Variants in EBF1 observed in about 807,000 individuals in gnomAD.
The protein encoded by EBF1 is EBF transcription factor 1, also known as transcription factor COE1.
EBF1 carries 10 observed loss-of-function variants against 68.4 expected under a neutral mutation model. That is an observed-to-expected ratio of 0.15 (90% CI 0.09 to 0.25). The LOEUF (loss-of-function observed/expected upper bound fraction) is 0.25, where lower values mean the gene tolerates loss of function less well. Among genes scored for constraint, EBF1 ranks in the 10% least tolerant of loss-of-function variants. The probability of loss-of-function intolerance (pLI) is 1.00; values close to 1 mark genes in which losing one functional copy is unlikely to be tolerated. For missense variants in EBF1, 509 were observed against 794.4 expected, an observed-to-expected ratio of 0.64 and a Z score of 4.32; for synonymous variants, 298 against 299.8, an observed-to-expected ratio of 0.99 and a Z score of 0.06.
intron 11 of EBF1, among the ~76,000 whole-genome samples, chr5:158,721,377 C>T (rs1761901999): frequency 6.6e-6 from 1 of 151,594 alleles, no homozygotes; most frequent in African/African-American, 2.4e-5. Context: ...TTGACTTTTA[C>T]AATGGAAAGA....
intron 6 of EBF1, among the ~76,000 whole-genome samples, chr5:158,896,833 C>T (rs1272914563): frequency 1.3e-5 from 2 of 152,130 alleles, no homozygotes; most frequent in Admixed American, 1.3e-4. Context: ...TTTCATTTCT[C>T]TCCTTGGAAG....
intron 6 of EBF1, among the ~76,000 whole-genome samples, chr5:158,855,869 G>A (rs571491053): frequency 4.6e-5 from 7 of 152,300 alleles, no homozygotes; most frequent in South Asian, 2.1e-4. Flanking sequence ...CTGCTGAAAC[G>A]AGACCATGGT....
chr5:158,937,282 C>T (rs1426631495), intron 6 of EBF1, among the ~76,000 whole-genome samples: 1 of 151,924 alleles, frequency 6.6e-6, no homozygotes, highest in Non-Finnish European at 1.5e-5. Flanking sequence ...AGAAGGTCTT[C>T]CATATAAAAT....
intron 6 of EBF1, among the ~76,000 whole-genome samples, chr5:158,868,749 C>A (rs912387977): frequency 7.9e-5 from 12 of 152,128 alleles, no homozygotes; most frequent in Non-Finnish European, 1.6e-4. Flanking sequence ...AATTTTCATG[C>A]AGTGAAGATG....
intron 6 of EBF1, among the ~76,000 whole-genome samples, chr5:158,920,233 T>A (rs1808117823): frequency 6.6e-6 from 1 of 152,180 alleles, no homozygotes; most frequent in Non-Finnish European, 1.5e-5. Flanking sequence ...TCAGGTATCA[T>A]GATTGAGGTG....
At chr5:159,056,194 C>T (rs1411428282) in intron 6 of EBF1, among the ~76,000 whole-genome samples, 1 of 152,100 alleles carries the variant, frequency 6.6e-6, no homozygotes, top group East Asian at 1.9e-4. Flanking sequence ...TTCAAAATTC[C>T]ACCTTTTAAA....
Position 159,051,444 on chromosome 5 carries a change from C to CA in EBF1, c.554+21951dup, listed in dbSNP as rs1332771446. ...CCGCTCCCGCAGCCCCCCACCCCCCCACCCCGCCGCCCGGCGGCTGACGGC... is the reference window on the plus strand; with the variant it reads ...CCGCTCCCGCAGCCCCCCACCCCCCCAACCCCGCCGCCCGGCGGCTGACGGC... On this transcript the variant is annotated intron_variant, in intron 6 of 15. Coordinates refer to ENST00000313708, the MANE Select transcript of EBF1 (RefSeq NM_024007.5). Among the ~76,000 whole-genome samples, 59 of 140,578 alleles carry CA rather than the reference C, an allele frequency of 4.2e-4. 1 individual carries two copies. The highest frequency in any genetic ancestry group is 1.5e-3 in the African/African-American group (56 of 37,808). 92.2% of individuals were successfully genotyped at this position (140,578 alleles called of 152,430 possible).
intron 7 of EBF1, among the ~76,000 whole-genome samples, chr5:158,832,081 C>A (rs1168037958): frequency 6.6e-6 from 1 of 152,192 alleles, no homozygotes; most frequent in Non-Finnish European, 1.5e-5. Context: ...TATAAGGATA[C>A]CTTTTGCTGG....
At chr5:159,099,232 A>C in intron 1 of EBF1, 113 bp downstream of exon 1, 1 of 825,024 alleles carries the variant, frequency 1.2e-6, no homozygotes, top group Non-Finnish European at 1.6e-6. Flanking sequence ...GCGGCTGCGG[A>C]CTCACCCCGC....
intron 15 of EBF1, chr5:158,707,594 G>T: frequency 3.8e-6 from 1 of 261,162 alleles, no homozygotes; most frequent in East Asian, 5.3e-5. Flanking sequence ...TCCCGGGAGA[G>T]ACCCTGCACT....
At chr5:159,031,905 C>T (rs898576683) in intron 6 of EBF1, among the ~76,000 whole-genome samples, 2 of 149,458 alleles carry the variant, frequency 1.3e-5, no homozygotes, top group South Asian at 2.1e-4. Context: ...ACAAAACCCG[C>T]CATCTTTTGT....
At chr5:159,093,293 A>G (rs1358199091) in intron 4 of EBF1, among the ~76,000 whole-genome samples, 6 of 152,200 alleles carry the variant, frequency 3.9e-5, no homozygotes, top group Non-Finnish European at 8.8e-5. Context: ...AATTATTATG[A>G]AAGCACACAG....
chr5:159,054,285 G>A (rs1774344356), intron 6 of EBF1, among the ~76,000 whole-genome samples: 2 of 152,126 alleles, frequency 1.3e-5, no homozygotes, highest in African/African-American at 4.8e-5. Flanking sequence ...AATCCTGAAA[G>A]GGCCTATTCT....
chr5:158,981,008 A>G (rs1757785976), intron 6 of EBF1, among the ~76,000 whole-genome samples: 1 of 152,220 alleles, frequency 6.6e-6, no homozygotes, highest in Admixed American at 6.5e-5. Flanking sequence ...ACAAAAACCA[A>G]GCCCAAATCT....
intron 8 of EBF1, among the ~76,000 whole-genome samples, chr5:158,803,972 G>T (rs926477501): frequency 6.1e-5 from 9 of 147,216 alleles, no homozygotes. Context: ...GTGTGTGTGT[G>T]TGTGTGTGTG....
intron 8 of EBF1, among the ~76,000 whole-genome samples, chr5:158,799,070 T>C (rs1360022093): frequency 2.0e-5 from 3 of 152,070 alleles, no homozygotes; most frequent in Admixed American, 1.3e-4. Context: ...TTCAAAAATA[T>C]GTAAAGGAAT....
At chr5:158,968,979 G>T (rs1386154216) in intron 6 of EBF1, among the ~76,000 whole-genome samples, 1 of 152,108 alleles carries the variant, frequency 6.6e-6, no homozygotes, top group Non-Finnish European at 1.5e-5. Flanking sequence ...ACCTAGCCTG[G>T]ATACCACTGA....
At chr5:158,957,037 C>G (rs899220040) in intron 6 of EBF1, among the ~76,000 whole-genome samples, 1 of 152,152 alleles carries the variant, frequency 6.6e-6, no homozygotes, top group African/African-American at 2.4e-5. Flanking sequence ...GGATTACAGG[C>G]GTGAGCCACA....
At chr5:158,931,808 G>A (rs1810951391) in intron 6 of EBF1, among the ~76,000 whole-genome samples, 1 of 152,168 alleles carries the variant, frequency 6.6e-6, no homozygotes, top group African/African-American at 2.4e-5. Context: ...GCTGTGAAAT[G>A]TTGACACATC....
Sources: gnomAD v4.1 joint callset for allele counts (sites outside exome capture counted in the v4.1 genomes callset) on GRCh38, gnomAD v4.1.1 for gene constraint, MANE v1.5 for transcripts, NCBI Gene and HGNC (gene_info 2026-07-23, HGNC 2026-07-21) for gene names.